The following PHLDB2 variants were observed in gnomAD, a reference collection of about 807,000 sequenced individuals.
PHLDB2 encodes pleckstrin homology-like domain family B member 2.
In PHLDB2, 71 loss-of-function variants were observed where a neutral mutation model predicts 123.6. That is an observed-to-expected ratio of 0.57 (90% CI 0.47 to 0.70). The LOEUF is 0.70. PHLDB2 is among the 30% of genes least tolerant of loss of function. PHLDB2 has a pLI of 0.00. For synonymous variants in PHLDB2, 547 were observed against 541.6 expected (o/e 1.01, Z -0.14); for missense variants, 1,446 against 1,519.5 (o/e 0.95, Z 0.80).
At chr3:111,951,757 C>A (rs1233336128) in intron 10 of PHLDB2, among the ~76,000 whole-genome samples, 1 of 151,698 alleles carries the variant, frequency 6.6e-6, no homozygotes, top group Admixed American at 6.6e-5. Context: ...TGTGTTTTTT[C>A]TTTCTTTTTT....
intron 2 of PHLDB2, among the ~76,000 whole-genome samples, chr3:111,847,314 C>T (rs1487756247): frequency 1.3e-5 from 2 of 152,040 alleles, no homozygotes; most frequent in Non-Finnish European, 1.5e-5. Flanking sequence ...TTCTGAGAGA[C>T]GCACTGGAGA....
At chr3:111,927,266 C>A (rs1275672364) in intron 5 of PHLDB2, among the ~76,000 whole-genome samples, 1 of 151,990 alleles carries the variant, frequency 6.6e-6, no homozygotes, top group Non-Finnish European at 1.5e-5. Flanking sequence ...GAGACTCACA[C>A]CTGTAATCCC....
intron 10 of PHLDB2, among the ~76,000 whole-genome samples, chr3:111,952,256 T>G (rs2070758948): frequency 6.6e-6 from 1 of 152,242 alleles, no homozygotes. Flanking sequence ...CTTTGTCCAC[T>G]GGCTGTTCTG....
chr3:111,935,845 C>T (rs1041637515), intron 6 of PHLDB2, among the ~76,000 whole-genome samples: 4 of 152,198 alleles, frequency 2.6e-5, no homozygotes, highest in Non-Finnish European at 4.4e-5. Flanking sequence ...CCCAGCCCAC[C>T]GACTCAAATG....
chr3:111,943,570 A>T (rs1416616313), intron 8 of PHLDB2, among the ~76,000 whole-genome samples: 2 of 152,234 alleles, frequency 1.3e-5, no homozygotes, highest in South Asian at 2.1e-4. Context: ...AAATTTTTTT[A>T]AAAAACAGGC....
intron 5 of PHLDB2, among the ~76,000 whole-genome samples, chr3:111,926,009 A>G (rs1368767881): frequency 6.6e-6 from 1 of 152,262 alleles, no homozygotes; most frequent in Non-Finnish European, 1.5e-5. Flanking sequence ...CATGACCCAG[A>G]TGATAAACAT....
intron 1 of PHLDB2, among the ~76,000 whole-genome samples, chr3:111,802,453 C>G (rs1398191917): frequency 6.6e-6 from 1 of 152,242 alleles, no homozygotes; most frequent in African/African-American, 2.4e-5. Context: ...ACTAATGACA[C>G]TCCTATGATG....
chr3:111,771,173 G>A (rs962265285), intron 1 of PHLDB2, among the ~76,000 whole-genome samples: 2 of 152,196 alleles, frequency 1.3e-5, no homozygotes, highest in African/African-American at 4.8e-5. Flanking sequence ...CCATTACAAA[G>A]TACCACAAAT....
At chr3:111,880,516 A>G (rs6781879) in intron 1 of PHLDB2, among the ~76,000 whole-genome samples, 73,723 of 152,036 alleles carry the variant, frequency 0.48, 18,687 homozygotes, top group East Asian at 0.78. Context: ...ACAACTAAAA[A>G]ACTAGTATTT....
intron 12 of PHLDB2, chr3:111,957,082 A>G (rs1029422319): frequency 2.0e-5 from 3 of 152,640 alleles, no homozygotes; most frequent in African/African-American, 7.2e-5. Flanking sequence ...TGAGTCGTGC[A>G]AAGAACTTTG....
In PHLDB2 at chr3:111,884,956, T is replaced by C; in HGVS notation, c.879T>C (p.His293=). The stretch of plus-strand genomic sequence containing the variant: ...AACTTGGGGAAAAGGATCTACCTCA[T>C]AGCGTAATAGACAATGACAATTACC... The part of the protein sequence containing the change: ...RTKLGEKDLP[H]SVIDNDNYLN... Residue 293 remains histidine, a synonymous_variant, in exon 2 of 18, where the codon CAT becomes CAC. Transcript: ENST00000431670. 1 of 1,614,106 alleles carries C rather than the reference T, an allele frequency of 6.2e-7. No homozygotes were observed. Among genetic ancestry groups the C allele is most frequent in the Non-Finnish European group, 8.5e-7 (1 of 1,180,002 alleles).
intron 1 of PHLDB2, among the ~76,000 whole-genome samples, chr3:111,781,142 G>A (rs926759213): frequency 6.6e-6 from 1 of 152,046 alleles, no homozygotes; most frequent in African/African-American, 2.4e-5. Context: ...TTATGGGCCA[G>A]TCATGGAGTG....
chr3:111,930,109 T>G (rs980436590), intron 5 of PHLDB2, among the ~76,000 whole-genome samples: 3 of 151,764 alleles, frequency 2.0e-5, no homozygotes, highest in Non-Finnish European at 4.4e-5. Context: ...AGACGGGGTT[T>G]CACCGTGTTA....
intron 5 of PHLDB2, among the ~76,000 whole-genome samples, chr3:111,923,300 A>T (rs2068629122): frequency 6.6e-6 from 1 of 152,052 alleles, no homozygotes; most frequent in Non-Finnish European, 1.5e-5. Flanking sequence ...AGTACAGGGG[A>T]CAGCTCTTTT....
intron 4 of PHLDB2, among the ~76,000 whole-genome samples, chr3:111,920,034 G>A (rs1313183814): frequency 6.6e-6 from 1 of 152,162 alleles, no homozygotes; most frequent in Admixed American, 6.5e-5. Flanking sequence ...AGCAGAAGAG[G>A]GGTTATAGTA....
chr3:111,934,329 T>TG (rs1456603868), intron 6 of PHLDB2, among the ~76,000 whole-genome samples: 1 of 152,170 alleles, frequency 6.6e-6, no homozygotes. Flanking sequence ...TAAAGTTCAC[T>TG]TTAGGACCTT....
At chr3:111,749,184 C>G (rs1052835711) in intron 1 of PHLDB2, among the ~76,000 whole-genome samples, 5 of 151,630 alleles carry the variant, frequency 3.3e-5, no homozygotes, top group Admixed American at 2.0e-4. Context: ...ACTGAATGTT[C>G]CAATGTAATT....
chr3:111,750,268 G>A (rs766084448), intron 1 of PHLDB2, among the ~76,000 whole-genome samples: 3 of 152,110 alleles, frequency 2.0e-5, no homozygotes, highest in Non-Finnish European at 4.4e-5. Context: ...AGCATTGTGC[G>A]AACACAAATG....
In PHLDB2 at chr3:111,966,661, G is replaced by A; in HGVS notation, c.3126G>A (p.Leu1042=). The A allele has an allele frequency of 6.2e-7, 1 of 1,613,460 alleles. No homozygotes were observed. The highest frequency in any genetic ancestry group is 1.1e-5 in the South Asian group (1 of 91,030). ...GAATAGAAGAAATGGAGAGACTTTT[G>A]AAGCAGGCTCATGCAGAAAAGACGC... The part of the protein sequence containing the change: ...IARIEEMERL[L]KQAHAEKTRL... Residue 1042 remains leucine, a synonymous_variant, in exon 14 of 18, where the codon TTG becomes TTA. Transcript: ENST00000431670.
Sources: gnomAD v4.1 joint callset for allele counts (sites outside exome capture counted in the v4.1 genomes callset) on GRCh38, gnomAD v4.1.1 for gene constraint, MANE v1.5 for transcripts, NCBI Gene and HGNC (gene_info 2026-07-23, HGNC 2026-07-21) for gene names.